Variants in TRPM3 observed in about 807,000 individuals in gnomAD.
TRPM3 encodes the protein transient receptor potential cation channel subfamily M member 3.
TRPM3 carries 77 observed loss-of-function variants against 181.2 expected under a neutral mutation model. The observed-to-expected ratio is 0.42, with a 90% CI of 0.35 to 0.51. TRPM3 has a LOEUF of 0.51. Ranked by LOEUF, TRPM3 falls within the 20% of genes least tolerant of loss-of-function variation. The pLI is 0.01. For missense variants in TRPM3, 1,759 were observed against 2,196.7 expected (o/e 0.80, Z 3.98); for synonymous variants, 745 against 796.4 (o/e 0.94, Z 1.09).
At chr9:70,937,733 G>A (rs1168791018) in intron 1 of TRPM3, among the ~76,000 whole-genome samples, 1 of 152,018 alleles carries the variant, frequency 6.6e-6, no homozygotes, top group Non-Finnish European at 1.5e-5. Context: ...TTAACTGGGT[G>A]GACTTGAACT....
At chr9:71,324,262 C>T (rs1002122884) in intron 1 of TRPM3, among the ~76,000 whole-genome samples, 1 of 151,892 alleles carries the variant, frequency 6.6e-6, no homozygotes, top group South Asian at 2.1e-4. Context: ...AATTAGAAAA[C>T]AACATTTAAG....
At chr9:71,437,125 CT>C (rs1250190268) in intron 1 of TRPM3, among the ~76,000 whole-genome samples, 1 of 152,146 alleles carries the variant, frequency 6.6e-6, no homozygotes, top group Non-Finnish European at 1.5e-5. Flanking sequence ...ATTAGCTCAA[CT>C]TTTTAAAAAC....
intron 1 of TRPM3, among the ~76,000 whole-genome samples, chr9:71,417,277 A>G (rs758191534): frequency 3.9e-5 from 6 of 152,006 alleles, no homozygotes; most frequent in Admixed American, 1.3e-4. Context: ...TGTGAGTTTC[A>G]ATTGTTCCAC....
intron 1 of TRPM3, among the ~76,000 whole-genome samples, chr9:71,327,919 A>C (rs1031006693): frequency 2.6e-5 from 4 of 152,160 alleles, no homozygotes; most frequent in African/African-American, 9.7e-5. Flanking sequence ...GGAGCACAAG[A>C]ATAGCAGTCC....
intron 1 of TRPM3, among the ~76,000 whole-genome samples, chr9:71,304,300 AT>A (rs143119169): frequency 6.6e-6 from 1 of 152,128 alleles, no homozygotes; most frequent in Non-Finnish European, 1.5e-5. Flanking sequence ...CAGCTAGACT[AT>A]TTTTTCCAAA....
chr9:70,747,693 G>A (rs1240442976), intron 8 of TRPM3, among the ~76,000 whole-genome samples: 1 of 151,968 alleles, frequency 6.6e-6, no homozygotes, highest in Non-Finnish European at 1.5e-5. Context: ...ACAAAGAACA[G>A]TATGTGACAG....
At chr9:71,052,754 T>C (rs946795245) in intron 1 of TRPM3, among the ~76,000 whole-genome samples, 1 of 151,920 alleles carries the variant, frequency 6.6e-6, no homozygotes, top group Non-Finnish European at 1.5e-5. Flanking sequence ...CCTAGGTATC[T>C]AGGAGTTTGC....
chr9:71,011,965 TA>T (rs58408861), intron 1 of TRPM3, among the ~76,000 whole-genome samples: 2,128 of 152,054 alleles, frequency 0.014, 49 homozygotes, highest in African/African-American at 0.049. Flanking sequence ...ATATTTTTAG[TA>T]GAGATAGGGT....
At chr9:71,355,633 G>C (rs1434506548) in intron 1 of TRPM3, among the ~76,000 whole-genome samples, 1 of 152,068 alleles carries the variant, frequency 6.6e-6, no homozygotes, top group Non-Finnish European at 1.5e-5. Flanking sequence ...GTGGTTATTT[G>C]AGGCCATGTG....
chr9:70,602,106 C>CTT lies in TRPM3; in HGVS notation c.2796+1234_2796+1235dup, dbSNP rs6151027. ...CCAGCTGGAACAAGGCAAGGCATTCCTTTTTTTTTTTTTTTTTTAAATCCA... is the reference window on the plus strand; with the variant it reads ...CCAGCTGGAACAAGGCAAGGCATTCCTTTTTTTTTTTTTTTTTTTTAAATCCA... On this transcript the variant is annotated intron_variant, in intron 20 of 25. Transcript: ENST00000677713. 7.3e-3 allele frequency among the ~76,000 whole-genome samples: 938 copies of CTT among 128,182 alleles called. 29 individuals are homozygous for CTT. In the South Asian group the frequency reaches 0.085, roughly 12 times the overall value. The allele number at this position is 128,182 out of a possible 152,430, so 84.1% of individuals were successfully genotyped here.
intron 1 of TRPM3, among the ~76,000 whole-genome samples, chr9:71,249,833 G>A (rs1329704274): frequency 6.6e-6 from 1 of 152,098 alleles, no homozygotes; most frequent in Admixed American, 6.6e-5. Flanking sequence ...AACACAAAAA[G>A]AATTAAGATG....
chr9:70,813,620 G>T (rs1341385723), intron 6 of TRPM3, among the ~76,000 whole-genome samples: 2 of 152,082 alleles, frequency 1.3e-5, no homozygotes, highest in African/African-American at 4.8e-5. Context: ...ATATACGCTT[G>T]TAACAAAACT....
At chr9:70,878,215 G>A (rs1381429236) in intron 1 of TRPM3, among the ~76,000 whole-genome samples, 1 of 152,036 alleles carries the variant, frequency 6.6e-6, no homozygotes, top group Non-Finnish European at 1.5e-5. Flanking sequence ...ATCAGGTAGA[G>A]AAAACATTTC....
chr9:70,844,294 G>A (rs529235583), intron 4 of TRPM3, among the ~76,000 whole-genome samples: 1 of 152,288 alleles, frequency 6.6e-6, no homozygotes, highest in African/African-American at 2.4e-5. Context: ...GAAACAGAAA[G>A]AATCACTGTT....
chr9:70,771,702 A>AT (rs2080298140), intron 7 of TRPM3, among the ~76,000 whole-genome samples: 1 of 152,138 alleles, frequency 6.6e-6, no homozygotes, highest in South Asian at 2.1e-4. Flanking sequence ...CAGGCTGTAA[A>AT]TCCTTGGATA....
chr9:71,350,847 C>T (rs1467289915), intron 1 of TRPM3, among the ~76,000 whole-genome samples: 2 of 152,118 alleles, frequency 1.3e-5, no homozygotes, highest in African/African-American at 4.8e-5. Flanking sequence ...CCAGTGAGAA[C>T]ATTTGAAAGA....
At position 71,355,496 on chromosome 9, in the gene TRPM3, G is replaced by A. The variant is rs528486915; in HGVS notation, c.183+91157C>T. 7.2e-5 allele frequency among the ~76,000 whole-genome samples: 11 copies of A among 152,230 alleles called. No individual in the cohort carries two copies. In the East Asian group the frequency reaches 2.1e-3, roughly 29 times the overall value. ...CCACTCAGACTTTCAGAAGAATCCAGCCCCACTGACAACTGGATTTCAGAC... is the reference window on the plus strand; with the variant it reads ...CCACTCAGACTTTCAGAAGAATCCAACCCCACTGACAACTGGATTTCAGAC... On this transcript the variant is annotated intron_variant, in intron 1 of 24. Coordinates refer to the TRPM3 transcript ENST00000357533.
Position 70,891,271 on chromosome 9 carries a change from T to C in TRPM3, c.178-26760A>G, listed in dbSNP as rs79970452. ...AATAAAAACACTGAATACTGAAAAA[T>C]TGAAAAAAATAATTGTTAACTGTAT... On this transcript the variant is annotated intron_variant, in intron 1 of 25. Transcript: ENST00000677713. 2.0e-4 allele frequency among the ~76,000 whole-genome samples: 31 copies of C among 151,770 alleles called. 2 individuals are homozygous for C. In the East Asian group the frequency reaches 4.6e-3, roughly 23 times the overall value.
intron 6 of TRPM3, among the ~76,000 whole-genome samples, chr9:70,784,960 C>G (rs1043790021): frequency 1.3e-5 from 2 of 152,214 alleles, no homozygotes; most frequent in African/African-American, 2.4e-5. Context: ...TTCCCAGGTT[C>G]AAGCAATTCT....
Sources: gnomAD v4.1 joint callset for allele counts (sites outside exome capture counted in the v4.1 genomes callset) on GRCh38, gnomAD v4.1.1 for gene constraint, MANE v1.5 for transcripts, NCBI Gene and HGNC (gene_info 2026-07-23, HGNC 2026-07-21) for gene names.